The following SLFN12 variants were observed in gnomAD, a reference collection of about 807,000 sequenced individuals.
SLFN12 encodes the protein schlafen family member 12.
A neutral mutation model predicts 29.1 loss-of-function variants in SLFN12; 25 were observed. The observed-to-expected ratio is 0.86, with a 90% CI of 0.63 to 1.20. The LOEUF (loss-of-function observed/expected upper bound fraction) is 1.20, where lower values mean the gene tolerates loss of function less well. SLFN12 is among the 50% of genes most tolerant of loss of function. The pLI is 0.00. For synonymous variants in SLFN12, 257 were observed against 238.7 expected, an observed-to-expected ratio of 1.08 and a Z score of -0.71; for missense variants, 660 against 666.2, an observed-to-expected ratio of 0.99 and a Z score of 0.10.
chr17:35,421,992 G>A lies in SLFN12; in HGVS notation c.1037C>T (p.Pro346Leu). The A allele has an allele frequency of 1.9e-6, 3 of 1,611,868 alleles. No individual in the cohort carries two copies. Among genetic ancestry groups the A allele is most frequent in the Non-Finnish European group, 2.5e-6 (3 of 1,178,386 alleles). ...GTTGCGAATCCCCCGCTCTCAACTTGGTTCAGCCTCCACCATGAACTGGAT... is the reference window on the plus strand; with the variant it reads ...GTTGCGAATCCCCCGCTCTCAACTTAGTTCAGCCTCCACCATGAACTGGAT... ...EWIQFMVEAE[P>L]KFSSSYEEVI... Residue 346 changes from proline to leucine, a missense_variant and splice_region_variant, in exon 2 of 4, where the codon CCA becomes CTA. Coordinates refer to ENST00000304905, the MANE Select transcript of SLFN12 (RefSeq NM_018042.5).
At chr17:35,412,478 G>A (rs2142029553) in intron 3 of SLFN12, among the ~76,000 whole-genome samples, 1 of 152,118 alleles carries the variant, frequency 6.6e-6, no homozygotes, top group South Asian at 2.1e-4. Context: ...AAGAGTGGAG[G>A]GATCTTGGTA....
intron 3 of SLFN12, among the ~76,000 whole-genome samples, chr17:35,414,366 A>G (rs1410707928): frequency 6.6e-6 from 1 of 152,116 alleles, no homozygotes; most frequent in Non-Finnish European, 1.5e-5. Flanking sequence ...CCCATTTACA[A>G]TAGCTACAAA....
chr17:35,411,674 T>G lies in SLFN12; in HGVS notation c.1401A>C (p.Lys467Asn), dbSNP rs1911016860. 6.2e-7 allele frequency: 1 copy of G among 1,614,076 alleles called. No homozygotes were observed. ...TTAGGGCAGTTTGTGTAGAATAGCC[T>G]TTAAACTCCTCATCCTGTACCATGT... is the stretch of plus-strand genomic sequence containing the variant. The part of the protein sequence containing the change: ...TFHMVQDEEF[K>N]GYSTQTALTL... The change falls in exon 4 of 4, where the codon AAA (lysine) becomes AAC (asparagine). Residue 467 changes from lysine (K) to asparagine (N), a missense_variant. Physicochemically the swap from Lys to Asn is moderately conservative, Grantham distance 94. Coordinates refer to ENST00000304905, the MANE Select transcript of SLFN12 (RefSeq NM_018042.5).
At chr17:35,426,859 C>T (rs1303353949) in intron 1 of SLFN12, among the ~76,000 whole-genome samples, 2 of 152,100 alleles carry the variant, frequency 1.3e-5, no homozygotes, top group Non-Finnish European at 2.9e-5. Context: ...TACATACATG[C>T]CTGCTTTTGA....
intron 1 of SLFN12, among the ~76,000 whole-genome samples, chr17:35,428,817 T>G (rs1912151125): frequency 6.6e-6 from 1 of 152,148 alleles, no homozygotes; most frequent in Admixed American, 6.5e-5. Flanking sequence ...ATCTCTGCCA[T>G]GCTGAGCTTT....
chr17:35,423,153 C>A, intron 1 of SLFN12, 85 bp from the exon 2 acceptor site: 7 of 1,440,088 alleles, frequency 4.9e-6, no homozygotes, highest in South Asian at 1.4e-5. Context: ...CAAAAAAATC[C>A]TGTGCTGTAT....
chr17:35,425,190 A>G (rs778411064), intron 1 of SLFN12, among the ~76,000 whole-genome samples: 4 of 152,024 alleles, frequency 2.6e-5, no homozygotes, highest in Non-Finnish European at 5.9e-5. Context: ...TCAGCTACTT[A>G]AAAGGCTGAG....
chr17:35,426,928 T>G (rs567854054), intron 1 of SLFN12, among the ~76,000 whole-genome samples: 9 of 152,296 alleles, frequency 5.9e-5, no homozygotes, highest in African/African-American at 1.9e-4. Context: ...TAGATGGTTA[T>G]TCTATGTCTC....
chr17:35,411,872 T>A lies in SLFN12; in HGVS notation c.1203A>T (p.Leu401Phe). Residue 401 changes from leucine to phenylalanine, a missense_variant, in exon 4 of 4, where the codon TTA becomes TTT. Transcript: ENST00000304905. ...TPENLCRKLF[L>F]QHEGLKQLIC... is the part of the protein sequence containing the mutation. ...TTAATTGCTTAAGTCCTTCATGTTG[T>A]AAGAACAGTTTTCTGCAAAGGTTTT... The A allele has an allele frequency of 6.2e-7, 1 of 1,613,618 alleles. No individual in the cohort carries two copies. Among genetic ancestry groups the A allele is most frequent in the South Asian group, 1.1e-5 (1 of 91,068 alleles).
intron 3 of SLFN12, among the ~76,000 whole-genome samples, 153 bp downstream of exon 3, chr17:35,420,121 G>A (rs1264052871): frequency 6.6e-6 from 1 of 152,088 alleles, no homozygotes; most frequent in African/African-American, 2.4e-5. Context: ...AAAGAAATAG[G>A]ATTTGACAGA....
At chr17:35,428,433 C>G (rs2142050291) in intron 1 of SLFN12, among the ~76,000 whole-genome samples, 1 of 152,134 alleles carries the variant, frequency 6.6e-6, no homozygotes, top group African/African-American at 2.4e-5. Flanking sequence ...TAGAAAGCAT[C>G]TTAGTGGGGA....
chr17:35,422,333 A>G lies in SLFN12; in HGVS notation c.696T>C (p.Thr232=). Residue 232 remains threonine, a synonymous_variant, in exon 2 of 4, where the codon ACT becomes ACC. Coordinates refer to ENST00000304905, the MANE Select transcript of SLFN12 (RefSeq NM_018042.5). The part of the protein sequence containing the change: ...LPQYVSAFAN[T]DGGYLFIGLN... ...AACCAATGAACAAATATCCTCCATC[A>G]GTATTTGCAAATGCAGAAACATATT... 6.2e-7 allele frequency: 1 copy of G among 1,614,006 alleles called. No homozygotes were observed. Among genetic ancestry groups the G allele is most frequent in the Non-Finnish European group, 8.5e-7 (1 of 1,179,968 alleles).
intron 2 of SLFN12, among the ~76,000 whole-genome samples, chr17:35,421,780 TC>T: frequency 6.6e-6 from 1 of 151,940 alleles, no homozygotes; most frequent in East Asian, 1.9e-4. Flanking sequence ...GACCTCGTGA[TC>T]CGCCCGCCTT....
chr17:35,427,051 T>G (rs1325635726), intron 1 of SLFN12, among the ~76,000 whole-genome samples: 1 of 152,138 alleles, frequency 6.6e-6, no homozygotes, highest in East Asian at 1.9e-4. Flanking sequence ...GATACAGAAA[T>G]GAATCCTTCA....
intron 3 of SLFN12, among the ~76,000 whole-genome samples, chr17:35,413,308 C>CATTT (rs1911134461): frequency 6.6e-6 from 1 of 151,964 alleles, no homozygotes; most frequent in Non-Finnish European, 1.5e-5. Context: ...CTTCCAAACT[C>CATTT]ATTTCATGAG....
At position 35,422,523 on chromosome 17, in the gene SLFN12, ACACAGGGCCT is replaced by A. The variant is rs781662510; in HGVS notation, c.496_505del (p.Arg166LeufsTer9). 28 of 1,613,990 alleles carry A rather than the reference ACACAGGGCCT, an allele frequency of 1.7e-5. No individual in the cohort carries two copies. In the East Asian group the frequency reaches 6.0e-4, roughly 35 times the overall value. On this transcript the variant is annotated frameshift_variant, in exon 2 of 4. Coordinates refer to ENST00000304905, the MANE Select transcript of SLFN12 (RefSeq NM_018042.5). LOFTEE classifies it high-confidence loss of function. ...CATGTTATTTTCTTCTTGTATATCA[ACACAGGGCCT>A]CTTTGCCAGCAATTCTGGTCTTAAA...
intron 1 of SLFN12, among the ~76,000 whole-genome samples, chr17:35,431,616 A>C (rs1912321016): frequency 6.6e-6 from 1 of 152,126 alleles, no homozygotes; most frequent in Admixed American, 6.5e-5. Flanking sequence ...CTCTGACCTT[A>C]GGTGGTCACC....
chr17:35,428,754 C>T (rs1055571105), intron 1 of SLFN12, among the ~76,000 whole-genome samples: 3 of 152,036 alleles, frequency 2.0e-5, no homozygotes, highest in Admixed American at 1.3e-4. Flanking sequence ...ATTTAAAACT[C>T]AATAGTAGTC....
At chr17:35,421,968 T>C (rs2142041188) in intron 2 of SLFN12, 22 bp downstream of exon 2, 1 of 1,605,310 alleles carries the variant, frequency 6.2e-7, no homozygotes, top group South Asian at 1.1e-5. Context: ...TGCATTCCTG[T>C]TGCGAATCCC....
Sources: allele counts gnomAD v4.1 joint callset (sites outside exome capture counted in the v4.1 genomes callset), GRCh38; gene constraint gnomAD v4.1.1; transcripts MANE v1.5; gene names NCBI Gene and HGNC (gene_info 2026-07-23, HGNC 2026-07-21).